Variants in LRP1B observed in about 807,000 individuals in gnomAD.
LRP1B encodes the protein LDL receptor related protein 1B.
In LRP1B, 217 loss-of-function variants were observed where a neutral mutation model predicts 556.6. That is an observed-to-expected ratio of 0.39 (90% CI 0.35 to 0.44). The LOEUF is 0.44. LRP1B is among the 20% of genes least tolerant of loss of function. The probability of loss-of-function intolerance (pLI) is 1.00; values close to 1 mark genes in which losing one functional copy is unlikely to be tolerated. For missense variants in LRP1B, 5,053 were observed against 5,620.8 expected, an observed-to-expected ratio of 0.90 and a Z score of 3.23; for synonymous variants, 2,047 against 1,865.8, an observed-to-expected ratio of 1.10 and a Z score of -2.50.
chr2:140,322,914 A>C (rs991508126), intron 81 of LRP1B, among the ~76,000 whole-genome samples: 6 of 151,940 alleles, frequency 3.9e-5, no homozygotes, highest in Non-Finnish European at 8.8e-5. Context: ...ATGAATATAA[A>C]AAAGAACTGG....
intron 14 of LRP1B, 34 bp downstream of exon 14, chr2:141,013,522 A>T (rs2105385100): frequency 6.6e-7 from 1 of 1,506,418 alleles, no homozygotes; most frequent in Non-Finnish European, 9.0e-7. Flanking sequence ...ATTATATGTG[A>T]ATCTCAGAAG....
intron 41 of LRP1B, among the ~76,000 whole-genome samples, chr2:140,652,312 G>T (rs1231986912): frequency 4.0e-5 from 6 of 151,844 alleles, no homozygotes; most frequent in Non-Finnish European, 8.8e-5. Flanking sequence ...AATACAATAT[G>T]GAAGAAGCTT....
rs373754979 is a variant in LRP1B at position 141,865,682 on chromosome 2, T to A, written c.83-55281A>T. ...AGAAGAAAGTGACGTGAGAACTACATAGTTGGAGGTATGTGCTTTGCTAAT... is the reference window on the plus strand; with the variant it reads ...AGAAGAAAGTGACGTGAGAACTACAAAGTTGGAGGTATGTGCTTTGCTAAT... On this transcript the variant is annotated intron_variant, in intron 1 of 90. Transcript: ENST00000389484. 3.3e-5 allele frequency among the ~76,000 whole-genome samples: 5 copies of A among 151,490 alleles called. 1 individual carries two copies. The East Asian group carries it at 7.8e-4, about 24-fold the overall frequency.
intron 1 of LRP1B, among the ~76,000 whole-genome samples, chr2:142,010,472 G>A (rs1380934452): frequency 1.4e-5 from 2 of 147,898 alleles, no homozygotes; most frequent in African/African-American, 2.5e-5. Context: ...GGAGAATGGC[G>A]TGAACCCGGG....
chr2:140,369,429 C>T (rs1025765370), intron 71 of LRP1B, among the ~76,000 whole-genome samples: 3 of 151,902 alleles, frequency 2.0e-5, no homozygotes, highest in Non-Finnish European at 4.4e-5. Context: ...CATCCCCAAA[C>T]CTTTGAACGC....
intron 1 of LRP1B, among the ~76,000 whole-genome samples, chr2:142,120,949 C>G (rs2105012160): frequency 6.6e-6 from 1 of 152,178 alleles, no homozygotes; most frequent in South Asian, 2.1e-4. Context: ...ATGTTTTACA[C>G]AAATCAATAA....
chr2:141,242,351 A>T (rs976923713), intron 5 of LRP1B, among the ~76,000 whole-genome samples: 4 of 152,108 alleles, frequency 2.6e-5, no homozygotes, highest in Non-Finnish European at 5.9e-5. Flanking sequence ...TTAAAGTAAG[A>T]GCCATAGGAA....
At chr2:141,799,163 G>A (rs1695921794) in intron 2 of LRP1B, among the ~76,000 whole-genome samples, 1 of 152,078 alleles carries the variant, frequency 6.6e-6, no homozygotes, top group Non-Finnish European at 1.5e-5. Flanking sequence ...ATGTTAGTTG[G>A]AATTCTAATG....
intron 3 of LRP1B, among the ~76,000 whole-genome samples, chr2:141,370,934 T>C (rs1689207217): frequency 6.6e-6 from 1 of 152,148 alleles, no homozygotes; most frequent in Non-Finnish European, 1.5e-5. Context: ...TTTCCAAGTT[T>C]GGCAAAAATC....
At chr2:140,694,212 A>T (rs886554758) in intron 41 of LRP1B, among the ~76,000 whole-genome samples, 1 of 152,248 alleles carries the variant, frequency 6.6e-6, no homozygotes, top group Non-Finnish European at 1.5e-5. Flanking sequence ...AACTTAGATT[A>T]CAGGCATTTA....
intron 1 of LRP1B, among the ~76,000 whole-genome samples, chr2:141,905,858 TC>T (rs1183575249): frequency 6.7e-6 from 1 of 149,890 alleles, no homozygotes; most frequent in African/African-American, 2.5e-5. Flanking sequence ...TTTGTGTGTG[TC>T]TCTGTGTATA....
Position 140,447,381 on chromosome 2 carries a change from A to G in LRP1B, c.10058-2702T>C, listed in dbSNP as rs180764731. Among the ~76,000 whole-genome samples, 335 of 152,216 alleles carry G rather than the reference A, an allele frequency of 2.2e-3. 2 individuals carry two copies. Among genetic ancestry groups the G allele is most frequent in the African/African-American group, 7.8e-3 (325 of 41,554 alleles). On this transcript the variant is annotated intron_variant, in intron 63 of 90. Coordinates refer to ENST00000389484, the MANE Select transcript of LRP1B (RefSeq NM_018557.3). ...ACCACAATAAAGCAAATATCACGAT[A>G]AAGCATGTCATACTTTTTTTTTTGG...
At chr2:140,562,146 T>A (rs62171876) in intron 43 of LRP1B, among the ~76,000 whole-genome samples, 66,303 of 151,842 alleles carry the variant, frequency 0.44, 14,786 homozygotes, top group Middle Eastern at 0.59. Context: ...GTGGTGGTGA[T>A]TATAAGACCC....
At chr2:141,278,170 A>G (rs1010970315) in intron 3 of LRP1B, among the ~76,000 whole-genome samples, 8 of 152,144 alleles carry the variant, frequency 5.3e-5, no homozygotes, top group African/African-American at 1.9e-4. Context: ...AAAAAATATA[A>G]TAAAGTTTCT....
In LRP1B at chr2:140,708,060, G is replaced by A. The variant is rs115911903; in HGVS notation, c.6024-5507C>T. ...AGGAGCTGATGATACAAAATAAATC[G>A]GATTTAGGTACCCTCATAAAGTCCA... On this transcript the variant is annotated intron_variant, in intron 37 of 90. Coordinates refer to ENST00000389484, the MANE Select transcript of LRP1B (RefSeq NM_018557.3). 4.7e-3 allele frequency among the ~76,000 whole-genome samples: 718 copies of A among 152,068 alleles called. 7 individuals carry two copies. Among genetic ancestry groups the A allele is most frequent in the Middle Eastern group, 0.024 (7 of 294 alleles).
At chr2:141,048,227 A>G (rs1378308903) in intron 11 of LRP1B, among the ~76,000 whole-genome samples, 1 of 152,128 alleles carries the variant, frequency 6.6e-6, no homozygotes. Flanking sequence ...ACATGAGGAA[A>G]CAGGTCCAGA....
At chr2:141,775,842 CTTTT>C (rs770939865) in intron 2 of LRP1B, among the ~76,000 whole-genome samples, 1 of 134,526 alleles carries the variant, frequency 7.4e-6, no homozygotes, top group Non-Finnish European at 1.6e-5. Flanking sequence ...TCAGGTTTTC[CTTTT>C]TTTTTTTTTT....
chr2:140,951,866 C>G lies in LRP1B; in HGVS notation c.2962G>C (p.Asp988His), dbSNP rs765154903. Residue 988 changes from aspartate (D) to histidine (H), a missense_variant, in exon 19 of 91, where the codon GAC becomes CAC. Asp to His is a moderately conservative substitution (Grantham distance 81). Coordinates refer to ENST00000389484, the MANE Select transcript of LRP1B (RefSeq NM_018557.3). ...GTGAGCATTTGGTACTTGCCAGAGTCGCAGTGCCATTTGCTGCTAATGCAT... is the reference window on the plus strand; with the variant it reads ...GTGAGCATTTGGTACTTGCCAGAGTGGCAGTGCCATTTGCTGCTAATGCAT... ...GRCISSKWHC[D>H]SDDDCGDGSD... 6.2e-7 allele frequency: 1 copy of G among 1,612,644 alleles called. No homozygotes were observed. The highest frequency in any genetic ancestry group is 8.5e-7 in the Non-Finnish European group (1 of 1,178,838).
intron 1 of LRP1B, among the ~76,000 whole-genome samples, chr2:142,045,316 C>T (rs1240113469): frequency 1.3e-5 from 2 of 151,778 alleles, no homozygotes; most frequent in Admixed American, 6.6e-5. Flanking sequence ...AAATTTGAAT[C>T]GCAATTTCCT....
Sources: allele counts gnomAD v4.1 joint callset (sites outside exome capture counted in the v4.1 genomes callset), GRCh38; gene constraint gnomAD v4.1.1; transcripts MANE v1.5; gene names NCBI Gene and HGNC (gene_info 2026-07-23, HGNC 2026-07-21).